DLGAP1: variants seen among roughly 807,000 people sequenced by gnomAD.
DLGAP1 encodes disks large-associated protein 1.
In DLGAP1, 11 loss-of-function variants were observed where a neutral mutation model predicts 90.8. That is an observed-to-expected ratio of 0.12 (90% CI 0.08 to 0.20). The LOEUF is 0.20. DLGAP1 is among the 10% of genes least tolerant of loss of function. The pLI, the probability that DLGAP1 is intolerant of heterozygous loss-of-function variation, is 1.00. For synonymous variants in DLGAP1, 558 were observed against 540.7 expected, an observed-to-expected ratio of 1.03 and a Z score of -0.44; for missense variants, 1,050 against 1,333.8, an observed-to-expected ratio of 0.79 and a Z score of 3.31.
intron 2 of DLGAP1, among the ~76,000 whole-genome samples, chr18:4,032,724 G>GAATGGATTTAGGGGCTAC (rs2074816756): frequency 6.6e-6 from 1 of 152,172 alleles, no homozygotes; most frequent in Non-Finnish European, 1.5e-5. Flanking sequence ...TTAGGGGCTA[G>GAATGGATTTAGGGGCTAC]TAGGAAGGTT....
rs2051602315 is a variant in DLGAP1 at position 3,526,119 on chromosome 18, T to C, written c.2479+8075A>G. 6.6e-6 allele frequency among the ~76,000 whole-genome samples: 1 copy of C among 152,210 alleles called. No homozygotes were observed. Among genetic ancestry groups the C allele is most frequent in the Admixed American group, 6.5e-5 (1 of 15,286 alleles). ...AGAGACATGCAAGTATGTGTGTCTG[T>C]GTGTGTGGTGGAGTGGGAGGGACCT... is the stretch of plus-strand genomic sequence containing the variant. On this transcript the variant is annotated intron_variant, in intron 10 of 12. Transcript: ENST00000315677. The surrounding 1 kb of genome is among the most constrained non-coding windows in gnomAD (Gnocchi z 4.7).
chr18:3,992,145 T>A (rs1442237319), intron 3 of DLGAP1, among the ~76,000 whole-genome samples: 1 of 152,214 alleles, frequency 6.6e-6, no homozygotes, highest in East Asian at 1.9e-4. Context: ...TCCTACTTAG[T>A]TTGCCTCATT....
chr18:3,561,484 A>C lies in DLGAP1; in HGVS notation c.2057+6006T>G, dbSNP rs1016508265. Among the ~76,000 whole-genome samples, 5 of 144,904 alleles carry C rather than the reference A, an allele frequency of 3.5e-5. 1 individual carries two copies. The highest frequency in any genetic ancestry group is 1.3e-4 in the African/African-American group (5 of 38,652). Reference sequence around the variant, plus strand: ...ACAGAAAAATGAAAGTTTTTATTTTAGTTTCTGACCTATGTCATTTTCCTT... The same window carrying C: ...ACAGAAAAATGAAAGTTTTTATTTTCGTTTCTGACCTATGTCATTTTCCTT... On this transcript the variant is annotated intron_variant, in intron 9 of 12. Transcript: ENST00000315677.
At chr18:3,690,677 G>A (rs554752815) in intron 7 of DLGAP1, among the ~76,000 whole-genome samples, 4 of 152,264 alleles carry the variant, frequency 2.6e-5, no homozygotes, top group Middle Eastern at 3.4e-3. Context: ...TAGTCTTTTC[G>A]CTTCCCTATT....
intron 1 of DLGAP1, among the ~76,000 whole-genome samples, chr18:4,164,026 G>A (rs1398657043): frequency 6.6e-6 from 1 of 152,100 alleles, no homozygotes; most frequent in Admixed American, 6.5e-5. Flanking sequence ...TAGCACGGGT[G>A]AGTGGAAACT....
chr18:3,858,652 A>G (rs905486855), intron 4 of DLGAP1, among the ~76,000 whole-genome samples: 27 of 152,078 alleles, frequency 1.8e-4, no homozygotes, highest in South Asian at 6.2e-4. Flanking sequence ...GTGTTTTACT[A>G]TAAAGTTAAG....
At chr18:4,267,538 C>T (rs920124033) in intron 1 of DLGAP1, among the ~76,000 whole-genome samples, 3 of 151,862 alleles carry the variant, frequency 2.0e-5, no homozygotes, top group African/African-American at 7.3e-5. Context: ...TCTCATCTTG[C>T]ACCCAAAGGA....
chr18:4,349,072 A>T (rs1943631444), intron 1 of DLGAP1, among the ~76,000 whole-genome samples: 1 of 152,162 alleles, frequency 6.6e-6, no homozygotes, highest in African/African-American at 2.4e-5. Flanking sequence ...TACAAGGGAA[A>T]AATATAAATT....
At chr18:4,149,224 T>C (rs903157854) in intron 2 of DLGAP1, among the ~76,000 whole-genome samples, 2 of 152,224 alleles carry the variant, frequency 1.3e-5, no homozygotes, top group African/African-American at 4.8e-5. Flanking sequence ...GTCTCAAATA[T>C]ACATGGGGAC....
chr18:3,512,951 C>G (rs1282130820), intron 10 of DLGAP1, among the ~76,000 whole-genome samples: 1 of 152,190 alleles, frequency 6.6e-6, no homozygotes, highest in African/African-American at 2.4e-5. Context: ...GGTGGCGCAG[C>G]GTTGTACAGC....
At chr18:3,548,774 G>C (rs1233226193) in intron 9 of DLGAP1, among the ~76,000 whole-genome samples, 1 of 152,136 alleles carries the variant, frequency 6.6e-6, no homozygotes, top group East Asian at 1.9e-4. Context: ...CAGTGGTTCA[G>C]GCCTGTAATT....
chr18:4,202,400 A>T (rs2077624953), intron 1 of DLGAP1, among the ~76,000 whole-genome samples: 1 of 152,172 alleles, frequency 6.6e-6, no homozygotes, highest in African/African-American at 2.4e-5. Context: ...AATGTACACT[A>T]CTTGCATAAT....
intron 1 of DLGAP1, among the ~76,000 whole-genome samples, chr18:4,196,537 C>T (rs1021997813): frequency 2.0e-5 from 3 of 152,224 alleles, no homozygotes; most frequent in Admixed American, 6.5e-5. Context: ...ACTTCCAACA[C>T]GCTTACTGAT....
At chr18:3,581,752 C>T (rs1257553156) in intron 8 of DLGAP1, 123 bp downstream of exon 8, 2 of 1,240,878 alleles carry the variant, frequency 1.6e-6, no homozygotes, top group African/African-American at 1.5e-5. Context: ...ACTTGAAAAT[C>T]TGGTCCTATG....
At chr18:4,277,356 G>A (rs1054324740) in intron 1 of DLGAP1, among the ~76,000 whole-genome samples, 2 of 152,214 alleles carry the variant, frequency 1.3e-5, no homozygotes, top group African/African-American at 4.8e-5. Context: ...TGGAGAATGT[G>A]TGTGTGTGTG....
chr18:3,965,390 A>G (rs1762905587), intron 3 of DLGAP1, among the ~76,000 whole-genome samples: 1 of 152,240 alleles, frequency 6.6e-6, no homozygotes, highest in Non-Finnish European at 1.5e-5. Flanking sequence ...TAAGAACAAC[A>G]TAAAGACAAA....
At chr18:4,111,754 C>T (rs1348735438) in intron 2 of DLGAP1, among the ~76,000 whole-genome samples, 1 of 151,682 alleles carries the variant, frequency 6.6e-6, no homozygotes, top group Admixed American at 6.6e-5. Flanking sequence ...CTTTATAATC[C>T]TTTTTATTTT....
intron 5 of DLGAP1, among the ~76,000 whole-genome samples, chr18:3,802,227 C>A (rs192724143): frequency 9.9e-5 from 15 of 151,090 alleles, no homozygotes; most frequent in Admixed American, 9.9e-4. Flanking sequence ...TTGTGATCCG[C>A]CCGCCTCGGC....
rs1337188445 is a variant in DLGAP1 at position 3,707,155 on chromosome 18, T to C, written c.1591+21980A>G. On this transcript the variant is annotated intron_variant, in intron 7 of 12. Transcript: ENST00000315677. ...ACCCACCTGAACCCACCTATCTGAATACAGTTTATATCTTAATATTTCATG... is the reference window on the plus strand; with the variant it reads ...ACCCACCTGAACCCACCTATCTGAACACAGTTTATATCTTAATATTTCATG... Among the ~76,000 whole-genome samples, 5 of 152,202 alleles carry C rather than the reference T, an allele frequency of 3.3e-5. No individual in the cohort carries two copies. The South Asian group carries it at 8.3e-4, about 25-fold the overall frequency.
Sources: allele counts gnomAD v4.1 joint callset (sites outside exome capture counted in the v4.1 genomes callset), GRCh38; gene constraint gnomAD v4.1.1; non-coding constraint Gnocchi (gnomAD v3.1); transcripts MANE v1.5; gene names NCBI Gene and HGNC (gene_info 2026-07-23, HGNC 2026-07-21).